The following ERLIN1 variants were observed in gnomAD, a reference collection of about 807,000 sequenced individuals.
ERLIN1 encodes the protein erlin-1.
ERLIN1 carries 24 observed loss-of-function variants against 46.9 expected under a neutral mutation model. The observed-to-expected ratio is 0.51, with a 90% CI of 0.37 to 0.72. ERLIN1 has a LOEUF of 0.72. ERLIN1 is among the 30% of genes least tolerant of loss of function. ERLIN1 has a pLI of 0.00. For synonymous variants in ERLIN1, 158 were observed against 143.2 expected, an observed-to-expected ratio of 1.10 and a Z score of -0.74; for missense variants, 293 against 417.9, an observed-to-expected ratio of 0.70 and a Z score of 2.61.
In ERLIN1 at chr10:100,150,134, A is replaced by C. The variant is rs1486690391; in HGVS notation, c.*1997T>G. On this transcript the variant is annotated 3_prime_UTR_variant, in exon 11 of 11. Transcript: ENST00000421367. ...TTTATTTAGTTTCTTATTTTAAAAAAGGTAGCATTTCAACATATAAATTTA... is the reference window on the plus strand; with the variant it reads ...TTTATTTAGTTTCTTATTTTAAAAACGGTAGCATTTCAACATATAAATTTA... 1 of 152,236 alleles carries C rather than the reference A, an allele frequency of 6.6e-6. No individual in the cohort carries two copies. The allele number at this position is 152,236 out of a possible 1,614,324, so 9.4% of individuals were successfully genotyped here. A position where few individuals can be genotyped will look rare whatever the true frequency, so the allele number is the denominator to read the frequency against.
rs761669214 is a variant in ERLIN1 at position 100,174,244 on chromosome 10, T to C, written c.468A>G (p.Lys156=). ...GACCTGGGGCCATGAGGTTTAAGTC[T>C]TTCTGCAGAGCTTGCTTCAGGTTTT... The part of the protein sequence containing the change: ...IDENLKQALQ[K]DLNLMAPGLT... Residue 156 remains lysine (K), a synonymous_variant, in exon 6 of 11, where the codon AAA becomes AAG. Coordinates refer to ENST00000421367, the MANE Select transcript of ERLIN1 (RefSeq NM_006459.4). The C allele has an allele frequency of 5.1e-6, 8 of 1,564,992 alleles. No homozygotes were observed. Among genetic ancestry groups the C allele is most frequent in the Non-Finnish European group, 6.9e-6 (8 of 1,152,870 alleles).
chr10:100,185,802 T>C lies in ERLIN1; in HGVS notation c.-176A>G, dbSNP rs1451944743. The C allele has an allele frequency of 3.3e-6, 2 of 597,342 alleles. No individual in the cohort carries two copies. Among genetic ancestry groups the C allele is most frequent in the African/African-American group, 3.7e-5 (2 of 53,386 alleles). 37.0% of individuals were successfully genotyped at this position (597,342 alleles called of 1,614,324 possible). On this transcript the variant is annotated 5_prime_UTR_variant, in exon 1 of 11. Coordinates refer to ENST00000421367, the MANE Select transcript of ERLIN1 (RefSeq NM_006459.4). ...CCTTCTGGCTGAGCCCGCTGACCCCTTGCCAACTCCTCCGCCCCCGGAGGC... is the reference window on the plus strand; with the variant it reads ...CCTTCTGGCTGAGCCCGCTGACCCCCTGCCAACTCCTCCGCCCCCGGAGGC...
rs1255888851 is a variant in ERLIN1 at position 100,178,164 on chromosome 10, T to C, written c.273A>G (p.Ile91Met). The C allele has an allele frequency of 4.4e-6, 7 of 1,579,688 alleles. No homozygotes were observed. The highest frequency in any genetic ancestry group is 6.0e-6 in the Non-Finnish European group (7 of 1,161,292). The change falls in exon 4 of 11, where the codon ATA becomes ATG. Residue 91 changes from isoleucine to methionine, a missense_variant. Transcript: ENST00000421367. ...AAGGAGCCAACATATTAACCACTTC[T>C]ATTCGGTCAATATAGATCATGACCC... ...SGGVMIYIDR[I>M]EVVNMLAPYA...
In ERLIN1 at chr10:100,185,564, GAGC is replaced by G. The variant is rs1306290955; in HGVS notation, c.60_62del (p.Leu21del). 2 of 1,613,950 alleles carry G rather than the reference GAGC, an allele frequency of 1.2e-6. No homozygotes were observed. Among genetic ancestry groups the G allele is most frequent in the African/African-American group, 2.7e-5 (2 of 74,948 alleles). On this transcript the variant is annotated inframe_deletion, in exon 1 of 11. Coordinates refer to ENST00000421367, the MANE Select transcript of ERLIN1 (RefSeq NM_006459.4). The stretch of plus-strand genomic sequence containing the variant: ...CCTCAATCTTGTGGATGGAGGCGTA[GAGC>G]AGGACAGCCACCAACCCCACCACTG...
chr10:100,171,803 C>A (rs1285646688), intron 6 of ERLIN1, among the ~76,000 whole-genome samples: 3 of 152,144 alleles, frequency 2.0e-5, no homozygotes, highest in Non-Finnish European at 4.4e-5. Flanking sequence ...CAGCTAATAA[C>A]CTAGGGTATT....
At chr10:100,165,270 A>G (rs1439833343) in intron 7 of ERLIN1, among the ~76,000 whole-genome samples, 1 of 152,146 alleles carries the variant, frequency 6.6e-6, no homozygotes, top group Non-Finnish European at 1.5e-5. Flanking sequence ...TTCCCCTCAA[A>G]GTTTCCCCTT....
intron 5 of ERLIN1, 53 bp downstream of exon 5, chr10:100,175,892 T>G: frequency 6.5e-7 from 1 of 1,549,458 alleles, no homozygotes; most frequent in Non-Finnish European, 8.8e-7. Flanking sequence ...ATAAGTAAGC[T>G]GAACAAAGAT....
rs1843491234 is a variant in ERLIN1, at chr10:100,163,862, C to G, written c.655+142G>C. 4.9e-6 allele frequency: 3 copies of G among 612,348 alleles called. No individual in the cohort carries two copies. In the African/African-American group the frequency reaches 5.6e-5, roughly 11 times the overall value. The allele number at this position is 612,348 out of a possible 1,614,324, so 37.9% of individuals were successfully genotyped here. On this transcript the variant is annotated intron_variant, in intron 8 of 10. Coordinates refer to ENST00000421367, the MANE Select transcript of ERLIN1 (RefSeq NM_006459.4). ...CCTACTTTTAAAGGCTTTAGAACAT[C>G]TGAATGTACAGTGGAGATTCCAGAA...
chr10:100,155,645 G>A (rs1251185041), intron 9 of ERLIN1, among the ~76,000 whole-genome samples: 2 of 151,894 alleles, frequency 1.3e-5, no homozygotes, highest in African/African-American at 4.8e-5. Context: ...CTCCCAAGTA[G>A]CTGGGACTAC....
At chr10:100,179,179 C>T (rs975537927) in intron 3 of ERLIN1, 22 bp downstream of exon 3, 44 of 1,575,246 alleles carry the variant, frequency 2.8e-5, no homozygotes, top group South Asian at 3.5e-5. Context: ...AAGGGAGGCT[C>T]GTAGGCAAAG....
intron 5 of ERLIN1, 55 bp downstream of exon 5, chr10:100,175,890 G>A (rs1160050497): frequency 6.5e-7 from 1 of 1,535,826 alleles, no homozygotes; most frequent in African/African-American, 1.4e-5. Flanking sequence ...CAATAAGTAA[G>A]CTGAACAAAG....
chr10:100,172,999 G>A (rs1844090254), intron 6 of ERLIN1, among the ~76,000 whole-genome samples: 1 of 152,138 alleles, frequency 6.6e-6, no homozygotes, highest in South Asian at 2.1e-4. Context: ...ATTTTACAAA[G>A]TTACCTCTGG....
At chr10:100,171,277 T>G (rs572611056) in intron 6 of ERLIN1, among the ~76,000 whole-genome samples, 2 of 152,206 alleles carry the variant, frequency 1.3e-5, no homozygotes, top group Non-Finnish European at 2.9e-5. Flanking sequence ...AAGAAAAAAT[T>G]TGAAGAAAAT....
At chr10:100,171,996 G>A (rs975332542) in intron 6 of ERLIN1, among the ~76,000 whole-genome samples, 3 of 152,082 alleles carry the variant, frequency 2.0e-5, no homozygotes, top group Admixed American at 1.3e-4. Context: ...AAGGTGATTC[G>A]GTAGTATGTA....
chr10:100,167,252 CCA>C (rs913458098), intron 7 of ERLIN1, 94 bp downstream of exon 7: 5 of 880,516 alleles, frequency 5.7e-6, no homozygotes, highest in Non-Finnish European at 9.4e-6. Flanking sequence ...ATACTCCACC[CCA>C]GAGTGTATTG....
In ERLIN1 at chr10:100,156,250, A is replaced by G. The variant is rs758104103; in HGVS notation, c.656-16T>C. The G allele has an allele frequency of 1.3e-6, 2 of 1,562,306 alleles. No homozygotes were observed. Among genetic ancestry groups the G allele is most frequent in the East Asian group, 2.2e-5 (1 of 44,618 alleles). On this transcript the variant is annotated splice_polypyrimidine_tract_variant and intron_variant, in intron 8 of 10. Coordinates refer to ENST00000421367, the MANE Select transcript of ERLIN1 (RefSeq NM_006459.4). ...TTCTCTGCTTCTATAATCATACAAC[A>G]TAAGAAGACACATTCAAAACCATTT...
chr10:100,159,655 A>G lies in ERLIN1; in HGVS notation c.656-3421T>C, dbSNP rs529888262. Among the ~76,000 whole-genome samples, 4 of 152,280 alleles carry G rather than the reference A, an allele frequency of 2.6e-5. No homozygotes were observed. In the South Asian group the frequency reaches 8.3e-4, roughly 32 times the overall value. On this transcript the variant is annotated intron_variant, in intron 8 of 10. Transcript: ENST00000421367. ...AACCCACTAAACCAGAAATTGAAGC[A>G]TATACTTTTAATAATTCATGAGCCA...
At chr10:100,177,603 A>G (rs896889483) in intron 4 of ERLIN1, among the ~76,000 whole-genome samples, 7 of 152,232 alleles carry the variant, frequency 4.6e-5, no homozygotes, top group Non-Finnish European at 8.8e-5. Context: ...ACAAGCATGC[A>G]TATAAGACGG....
intron 2 of ERLIN1, among the ~76,000 whole-genome samples, chr10:100,181,036 C>T (rs1844615435): frequency 6.6e-6 from 1 of 152,136 alleles, no homozygotes; most frequent in African/African-American, 2.4e-5. Flanking sequence ...GGTGGCAGTT[C>T]TAGGTTAAGG....
Sources: allele counts gnomAD v4.1 joint callset (sites outside exome capture counted in the v4.1 genomes callset), GRCh38; gene constraint gnomAD v4.1.1; transcripts MANE v1.5; gene names NCBI Gene and HGNC (gene_info 2026-07-23, HGNC 2026-07-21).